Variants in IQCM observed in about 807,000 individuals in gnomAD.
IQCM encodes the protein IQ motif containing M, also known as IQ domain-containing protein M.
In IQCM, 45 loss-of-function variants were observed where a neutral mutation model predicts 57.6. The ratio of observed to expected loss-of-function variants is 0.78; its 90% confidence interval spans 0.62 to 1.00. The LOEUF is 1.00. IQCM is among the 50% of genes least tolerant of loss of function. The pLI is 0.00. For synonymous variants in IQCM, 148 were observed against 158.9 expected (o/e 0.93, Z 0.51); for missense variants, 468 against 511.6 (o/e 0.91, Z 0.82).
intron 5 of IQCM, among the ~76,000 whole-genome samples, chr4:149,719,344 TAA>T (rs763244074): frequency 1.6e-5 from 2 of 124,300 alleles, no homozygotes. Context: ...AAGTCAGTCT[TAA>T]AAAAAAAAAA....
At chr4:149,470,485 G>A (rs1051383363) in intron 12 of IQCM, among the ~76,000 whole-genome samples, 62 of 152,048 alleles carry the variant, frequency 4.1e-4, no homozygotes, top group Admixed American at 5.2e-4. Flanking sequence ...AGTCCATAGC[G>A]ACCTAGAAAG....
chr4:149,638,554 C>T (rs1407725040), intron 7 of IQCM, among the ~76,000 whole-genome samples: 1 of 151,766 alleles, frequency 6.6e-6, no homozygotes, highest in African/African-American at 2.4e-5. Flanking sequence ...CAATGGACTA[C>T]TACTCGTTAA....
intron 12 of IQCM, among the ~76,000 whole-genome samples, chr4:149,439,717 G>A (rs1454666797): frequency 6.6e-6 from 1 of 151,936 alleles, no homozygotes; most frequent in Admixed American, 6.6e-5. Context: ...CCATTAATGA[G>A]ACTTTGCTCT....
chr4:149,793,073 T>C (rs183322861), intron 2 of IQCM, among the ~76,000 whole-genome samples: 14 of 152,304 alleles, frequency 9.2e-5, no homozygotes, highest in Admixed American at 8.5e-4. Flanking sequence ...TCAAATCCCT[T>C]GATGGAATTT....
At chr4:149,691,653 G>C (rs1247690643) in intron 5 of IQCM, 1 of 152,060 alleles carries the variant, frequency 6.6e-6, no homozygotes, top group African/African-American at 2.4e-5. Flanking sequence ...TGAAATTTTT[G>C]TTGTTGTTTT....
intron 11 of IQCM, among the ~76,000 whole-genome samples, chr4:149,549,651 A>T (rs1026759414): frequency 1.3e-5 from 2 of 152,206 alleles, no homozygotes; most frequent in Non-Finnish European, 2.9e-5. Context: ...TGAATTGTAT[A>T]ATTGTATCCT....
At chr4:149,449,068 A>G (rs1181062501) in intron 12 of IQCM, among the ~76,000 whole-genome samples, 1 of 151,578 alleles carries the variant, frequency 6.6e-6, no homozygotes, top group Non-Finnish European at 1.5e-5. Flanking sequence ...AAAAATTCTT[A>G]AAAATTTAGC....
intron 12 of IQCM, among the ~76,000 whole-genome samples, chr4:149,454,379 A>G (rs1041062074): frequency 5.3e-5 from 8 of 151,864 alleles, no homozygotes; most frequent in Non-Finnish European, 1.2e-4. Flanking sequence ...AGAAAACCAA[A>G]TATTGCATGT....
chr4:149,436,311 C>CT (rs1343359511), intron 12 of IQCM, among the ~76,000 whole-genome samples: 14 of 152,086 alleles, frequency 9.2e-5, no homozygotes, highest in African/African-American at 3.4e-4. Context: ...ACACTAAAAT[C>CT]TAAGTAGTGG....
At chr4:149,719,826 A>C (rs1230798886) in intron 5 of IQCM, among the ~76,000 whole-genome samples, 3 of 152,214 alleles carry the variant, frequency 2.0e-5, no homozygotes, top group Non-Finnish European at 2.9e-5. Context: ...GTGACATAAC[A>C]GTCCTACCCA....
chr4:149,614,941 G>A (rs1755653110), intron 8 of IQCM, among the ~76,000 whole-genome samples: 1 of 152,164 alleles, frequency 6.6e-6, no homozygotes, highest in African/African-American at 2.4e-5. Context: ...ACTTGCTGAG[G>A]AGAGTCCTGT....
At chr4:149,386,721 A>G (rs1366466011) in intron 13 of IQCM, among the ~76,000 whole-genome samples, 3 of 151,874 alleles carry the variant, frequency 2.0e-5, no homozygotes, top group Non-Finnish European at 4.4e-5. Flanking sequence ...TTCCTTTGTC[A>G]GGTTTTTTTT....
At chr4:149,656,111 T>A (rs1293300964) in intron 7 of IQCM, among the ~76,000 whole-genome samples, 2 of 152,034 alleles carry the variant, frequency 1.3e-5, no homozygotes. Context: ...AAACTAAGGC[T>A]GGCCATGCCT....
chr4:149,794,298 G>A (rs1022665156), intron 2 of IQCM, among the ~76,000 whole-genome samples: 3 of 152,204 alleles, frequency 2.0e-5, no homozygotes. Context: ...TATGACACAG[G>A]AGGAAAAGAG....
At chr4:149,444,773 G>T (rs1482727475) in intron 12 of IQCM, among the ~76,000 whole-genome samples, 7 of 151,842 alleles carry the variant, frequency 4.6e-5, no homozygotes, top group African/African-American at 1.4e-4. Context: ...ATTGAGAGAA[G>T]ATATTAGTTA....
At chr4:149,353,586 T>C (rs990528320) in intron 13 of IQCM, among the ~76,000 whole-genome samples, 20 of 152,278 alleles carry the variant, frequency 1.3e-4, no homozygotes, top group Admixed American at 1.3e-3. Context: ...ATATATACAA[T>C]GGAATATTAT....
At chr4:149,561,597 C>G (rs1307479948) in intron 10 of IQCM, among the ~76,000 whole-genome samples, 1 of 152,092 alleles carries the variant, frequency 6.6e-6, no homozygotes, top group Admixed American at 6.6e-5. Flanking sequence ...ACAAACAAGA[C>G]AGATACCTGT....
intron 7 of IQCM, among the ~76,000 whole-genome samples, chr4:149,655,281 A>C (rs1310543144): frequency 6.6e-6 from 1 of 152,152 alleles, no homozygotes; most frequent in Non-Finnish European, 1.5e-5. Flanking sequence ...GACAGAGTAC[A>C]CAATGAGCAG....
chr4:149,613,675 C>A (rs1441090659), intron 8 of IQCM, among the ~76,000 whole-genome samples: 2 of 151,868 alleles, frequency 1.3e-5, no homozygotes, highest in Admixed American at 6.6e-5. Context: ...CCCATTAACT[C>A]GTCATTTAAC....
Sources: gnomAD v4.1 joint callset for allele counts (sites outside exome capture counted in the v4.1 genomes callset) on GRCh38, gnomAD v4.1.1 for gene constraint, MANE v1.5 for transcripts, NCBI Gene and HGNC (gene_info 2026-07-23, HGNC 2026-07-21) for gene names.